The following ARPC1B variants were observed in gnomAD, a reference collection of about 807,000 sequenced individuals.
The protein encoded by ARPC1B is actin-related protein 2/3 complex subunit 1B.
In ARPC1B, 29 loss-of-function variants were observed where a neutral mutation model predicts 46.0. The ratio of observed to expected loss-of-function variants is 0.63; its 90% CI spans 0.47 to 0.86. The LOEUF (loss-of-function observed/expected upper bound fraction) is 0.86. Among genes scored for constraint, ARPC1B ranks in the 40% least tolerant of loss-of-function variants. The probability of loss-of-function intolerance (pLI) is 0.00; values close to 1 mark genes in which losing one functional copy is unlikely to be tolerated. For missense variants in ARPC1B, 469 were observed against 529.4 expected, an observed-to-expected ratio of 0.89 and a Z score of 1.12; for synonymous variants, 201 against 213.9, an observed-to-expected ratio of 0.94 and a Z score of 0.53.
intron 3 of ARPC1B, among the ~76,000 whole-genome samples, 197 bp downstream of exon 3, chr7:99,386,986 GGCTT>G (rs1794409311): frequency 6.6e-6 from 1 of 152,212 alleles, no homozygotes; most frequent in Non-Finnish European, 1.5e-5. Flanking sequence ...CTTCAGGAGA[GGCTT>G]GATCCAGCAG....
At chr7:99,394,338 T>G in intron 9 of ARPC1B, 113 bp from the exon 10 acceptor site, 2 of 1,129,880 alleles carry the variant, frequency 1.8e-6, no homozygotes, top group Non-Finnish European at 2.7e-6. Flanking sequence ...ACTCCAAAAC[T>G]GCAGGTTCTC....
intron 3 of ARPC1B, 65 bp downstream of exon 3, chr7:99,386,854 G>A: frequency 1.7e-6 from 2 of 1,189,566 alleles, no homozygotes; most frequent in Non-Finnish European, 2.5e-6. Flanking sequence ...GTGGTGCAAG[G>A]CAGGGCATGG....
chr7:99,382,334 G>A (rs900711943), intron 1 of ARPC1B, among the ~76,000 whole-genome samples: 2 of 151,328 alleles, frequency 1.3e-5, no homozygotes, highest in African/African-American at 2.4e-5. Context: ...CTCAGGAGGC[G>A]GAGGTTGGAG....
intron 8 of ARPC1B, 41 bp downstream of exon 8, chr7:99,392,917 G>A (rs1018441134): frequency 1.5e-5 from 23 of 1,504,094 alleles, no homozygotes; most frequent in African/African-American, 2.8e-5. Context: ...CGGGGCCTCG[G>A]CTCGCCCAGA....
At chr7:99,379,896 C>T (rs915154900) in intron 1 of ARPC1B, among the ~76,000 whole-genome samples, 4 of 151,850 alleles carry the variant, frequency 2.6e-5, no homozygotes, top group African/African-American at 7.3e-5. Context: ...CCACCCACCT[C>T]GGCCTCCGAA....
At chr7:99,378,967 C>T (rs1021168423) in intron 1 of ARPC1B, among the ~76,000 whole-genome samples, 23 of 151,550 alleles carry the variant, frequency 1.5e-4, no homozygotes, top group African/African-American at 3.4e-4. Context: ...TTAGTAGAGA[C>T]GGGGTTTCAC....
intron 8 of ARPC1B, 56 bp from the exon 9 acceptor site, chr7:99,393,973 G>T: frequency 1.3e-6 from 2 of 1,574,380 alleles, no homozygotes; most frequent in South Asian, 2.2e-5. Flanking sequence ...GACAGGGTGG[G>T]CCTGAGCCCA....
intron 1 of ARPC1B, among the ~76,000 whole-genome samples, chr7:99,379,012 C>T (rs1400328388): frequency 6.6e-6 from 1 of 151,940 alleles, no homozygotes; most frequent in Non-Finnish European, 1.5e-5. Flanking sequence ...CTCCTGACCT[C>T]GTGATCCACC....
rs1584410384 is a variant in ARPC1B, at chr7:99,390,971, A to G, written c.579A>G (p.Glu193=). The G allele has an allele frequency of 6.2e-7, 1 of 1,613,974 alleles. No individual in the cohort carries two copies. The highest frequency in any genetic ancestry group is 8.5e-7 in the Non-Finnish European group (1 of 1,180,008). ...TPWGSKMPFG[E]LMFESSSSCG... ...GGGGCTCCAAGATGCCCTTTGGGGA[A>G]CTGATGTTCGAATCCAGCAGTAGCT... Residue 193 remains glutamate, a synonymous_variant, in exon 6 of 10, where the codon GAA becomes GAG. Coordinates refer to ENST00000646101, the MANE Select transcript of ARPC1B (RefSeq NM_005720.4).
In ARPC1B at chr7:99,390,883, A is replaced by G; in HGVS notation, c.501-10A>G. 1 of 1,593,376 alleles carries G rather than the reference A, an allele frequency of 6.3e-7. No individual in the cohort carries two copies. The highest frequency in any genetic ancestry group is 8.6e-7 in the Non-Finnish European group (1 of 1,165,878). On this transcript the variant is annotated splice_polypyrimidine_tract_variant and intron_variant, in intron 5 of 9. Coordinates refer to ENST00000646101, the MANE Select transcript of ARPC1B (RefSeq NM_005720.4). The stretch of plus-strand genomic sequence containing the variant: ...TGGCTACTTTACCTCTACTTTGCCT[A>G]TCCCGGTAGGATCTTTTCAGCCTAC...
intron 7 of ARPC1B, among the ~76,000 whole-genome samples, chr7:99,392,432 G>A (rs1794597008): frequency 2.0e-5 from 3 of 152,230 alleles, no homozygotes; most frequent in Admixed American, 6.5e-5. Flanking sequence ...AACTGGCTGG[G>A]CAGGACAGAA....
At position 99,388,032 on chromosome 7, in the gene ARPC1B, C is replaced by T; in HGVS notation, c.170-7C>T. On this transcript the variant is annotated splice_polypyrimidine_tract_variant and splice_region_variant and intron_variant, in intron 3 of 9. Coordinates refer to ENST00000646101, the MANE Select transcript of ARPC1B (RefSeq NM_005720.4). ...CAGCCTCCTGTGTTCCCTCCATCCC[C>T]CCACAGGCATCGACTGGGCCCCCGA... is the stretch of plus-strand genomic sequence containing the variant. 6.3e-7 allele frequency: 1 copy of T among 1,583,416 alleles called. No homozygotes were observed. Among genetic ancestry groups the T allele is most frequent in the Non-Finnish European group, 8.7e-7 (1 of 1,153,574 alleles).
chr7:99,392,782 C>T lies in ARPC1B; in HGVS notation c.895C>T (p.Arg299Cys). ...KQSSQRGLTA[R>C]ERFQNLDKKA... Reference sequence around the variant, plus strand: ...GAGCTCGCAGCGTGGCTTGACGGCCCGCGAGCGCTTCCAGAACCTGGACAA... The same window carrying T: ...GAGCTCGCAGCGTGGCTTGACGGCCTGCGAGCGCTTCCAGAACCTGGACAA... Residue 299 changes from arginine (R) to cysteine (C), a missense_variant, in exon 8 of 10, where the codon CGC becomes TGC. Physicochemically the swap from Arg to Cys is radical, Grantham distance 180. Coordinates refer to ENST00000646101, the MANE Select transcript of ARPC1B (RefSeq NM_005720.4). 1.3e-6 allele frequency: 2 copies of T among 1,549,862 alleles called. No individual in the cohort carries two copies. Among genetic ancestry groups the T allele is most frequent in the Non-Finnish European group, 1.7e-6 (2 of 1,146,710 alleles).
intron 5 of ARPC1B, 26 bp downstream of exon 5, chr7:99,390,038 G>A (rs1794518695): frequency 6.2e-7 from 1 of 1,600,230 alleles, no homozygotes; most frequent in African/African-American, 1.3e-5. Context: ...ATGGGGGAGG[G>A]CGGGGCTGAC....
intron 2 of ARPC1B, 117 bp from the exon 3 acceptor site, chr7:99,386,568 G>T (rs756702908): frequency 2.3e-6 from 2 of 877,328 alleles, no homozygotes; most frequent in South Asian, 1.3e-5. Context: ...CAAGGCAGAA[G>T]AGGAGAGACT....
rs778472651 is a variant in ARPC1B, at chr7:99,386,746, G to C, written c.126G>C (p.Trp42Cys). ...VHIYEKSGAK[W>C]TKVHELKEHN... ...TCTATGAAAAGAGCGGTGCCAAATG[G>C]ACCAAGGTGCACGAGCTCAAGGAGC... Residue 42 changes from tryptophan to cysteine, a missense_variant, in exon 3 of 10, where the codon TGG becomes TGC. By Grantham distance (215) the Trp-to-Cys change is radical. Transcript: ENST00000646101. The C allele has an allele frequency of 6.2e-7, 1 of 1,614,148 alleles. No individual in the cohort carries two copies. Among genetic ancestry groups the C allele is most frequent in the Non-Finnish European group, 8.5e-7 (1 of 1,180,020 alleles).
At chr7:99,375,239 G>A (rs1793998769) in intron 1 of ARPC1B, among the ~76,000 whole-genome samples, 1 of 152,152 alleles carries the variant, frequency 6.6e-6, no homozygotes, top group African/African-American at 2.4e-5. Context: ...GGGCCGGCGG[G>A]GCCCCACACC....
At position 99,380,400 on chromosome 7, in the gene ARPC1B, T is replaced by C. The variant is rs181588337; in HGVS notation, c.-13-5302T>C. On this transcript the variant is annotated intron_variant, in intron 1 of 9. Coordinates refer to ENST00000646101, the MANE Select transcript of ARPC1B (RefSeq NM_005720.4). ...GGAAAAAGGGAAATGAGTCTTCCTG[T>C]CTCTCGCCCCCTTAACACTTCTTTG... Among the ~76,000 whole-genome samples the C allele has an allele frequency of 7.2e-5, 11 of 152,314 alleles. No individual in the cohort carries two copies. In the East Asian group the frequency reaches 2.1e-3, roughly 29 times the overall value.
At chr7:99,388,835 C>T (rs1211704407) in intron 4 of ARPC1B, 5 of 152,472 alleles carry the variant, frequency 3.3e-5, no homozygotes, top group African/African-American at 9.7e-5. Flanking sequence ...GTTTCACCAT[C>T]TTGGCCAGGT....
Sources: gnomAD v4.1 joint callset for allele counts (sites outside exome capture counted in the v4.1 genomes callset) on GRCh38, gnomAD v4.1.1 for gene constraint, MANE v1.5 for transcripts, NCBI Gene and HGNC (gene_info 2026-07-23, HGNC 2026-07-21) for gene names.